The following SON variants were observed in gnomAD, a reference collection of about 807,000 sequenced individuals.
SON encodes SON DNA and RNA binding protein.
A neutral mutation model predicts 173.3 loss-of-function variants in SON; 4 were observed. That is an observed-to-expected ratio of 0.02 (90% CI 0.01 to 0.05). The LOEUF is 0.05. Ranked by LOEUF, SON falls within the 10% of genes least tolerant of loss-of-function variation. The pLI, the probability that SON is intolerant of heterozygous loss-of-function variation, is 1.00. For missense variants in SON, 2,626 were observed against 3,055.3 expected (o/e 0.86, Z 3.31); for synonymous variants, 1,190 against 1,105.9 (o/e 1.08, Z -1.51).
At position 33,546,250 on chromosome 21, in the gene SON, A is replaced by G. The variant is rs749860348; in HGVS notation, c.115A>G (p.Thr39Ala). The change falls in exon 2 of 12, where the codon ACA (threonine) becomes GCA (alanine). Residue 39 changes from threonine (T) to alanine (A), a missense_variant. Thr to Ala is a moderately conservative substitution (Grantham distance 58). Coordinates refer to ENST00000356577, the MANE Select transcript of SON (RefSeq NM_138927.4). ...AGGCCAGCTGAATGGTGAAACAAAT[A>G]CACCCATTGAAGGAAACCAGGCGGG... is the stretch of plus-strand genomic sequence containing the variant. ...NEGQLNGETN[T>A]PIEGNQAGDA... 1 of 1,613,544 alleles carries G rather than the reference A, an allele frequency of 6.2e-7. No homozygotes were observed. The highest frequency in any genetic ancestry group is 8.5e-7 in the Non-Finnish European group (1 of 1,179,782).
chr21:33,575,202 A>G (rs571306656), intron 9 of SON, among the ~76,000 whole-genome samples: 2 of 151,960 alleles, frequency 1.3e-5, no homozygotes, highest in African/African-American at 4.8e-5. Context: ...CGCCCGGCTA[A>G]TTTTTGTTTC....
chr21:33,569,657 C>T (rs1168272718), intron 8 of SON: 2 of 453,046 alleles, frequency 4.4e-6, no homozygotes, highest in Non-Finnish European at 9.1e-6. Context: ...TTTTGGTTGT[C>T]AGCTGCTGGT....
chr21:33,556,711 C>CA (rs375685900), intron 3 of SON, among the ~76,000 whole-genome samples: 1,299 of 102,548 alleles, frequency 0.013, 20 homozygotes, highest in African/African-American at 0.037. Context: ...GAGACTGTCT[C>CA]AAAAAAAAAA....
Position 33,549,779 on chromosome 21 carries a change from C to G in SON, c.548C>G (p.Pro183Arg), listed in dbSNP as rs746906157. Residue 183 changes from proline (P) to arginine (R), a missense_variant, in exon 3 of 12, where the codon CCT becomes CGT. Coordinates refer to ENST00000356577, the MANE Select transcript of SON (RefSeq NM_138927.4). Reference protein sequence around the residue: ...AFGPSETNESPAVVLEPPVVS... With the variant: ...AFGPSETNESRAVVLEPPVVS... ...GGCCCATCTGAGACCAATGAATCCCCTGCAGTTGTGCTAGAACCTCCTGTA... is the reference window on the plus strand; with the variant it reads ...GGCCCATCTGAGACCAATGAATCCCGTGCAGTTGTGCTAGAACCTCCTGTA... The G allele has an allele frequency of 2.5e-6, 4 of 1,614,200 alleles. No individual in the cohort carries two copies. In the Admixed American group the frequency reaches 6.7e-5, roughly 27 times the overall value.
chr21:33,543,428 T>G, intron 1 of SON: 1 of 513,040 alleles, frequency 1.9e-6, no homozygotes, highest in Non-Finnish European at 3.5e-6. Context: ...TTCACCCTTC[T>G]CCCCTGTTTG....
In SON at chr21:33,552,995, C is replaced by G; in HGVS notation, c.3764C>G (p.Pro1255Arg). Residue 1255 changes from proline to arginine, a missense_variant, in exon 3 of 12, where the codon CCA becomes CGA. Transcript: ENST00000356577. This position sits in a 1 kb window ranked among gnomAD's most constrained non-coding sequence, Gnocchi z 5.6. The stretch of plus-strand genomic sequence containing the variant: ...ACTGTTCCAGAACCACCACCAGAGC[C>G]AGAATCTTCAATTACGTTAACACCT... ...AVTVPEPPPEPESSITLTPVE... is the reference protein window; with the variant it reads ...AVTVPEPPPERESSITLTPVE... 6.2e-7 allele frequency: 1 copy of G among 1,614,160 alleles called. No homozygotes were observed. Among genetic ancestry groups the G allele is most frequent in the Non-Finnish European group, 8.5e-7 (1 of 1,180,018 alleles).
chr21:33,573,860 T>A (rs1310237248), intron 9 of SON, among the ~76,000 whole-genome samples: 2 of 14,108 alleles, frequency 1.4e-4, no homozygotes, highest in African/African-American at 6.0e-4. Flanking sequence ...CATTATTTCC[T>A]ATTACAATAC....
chr21:33,571,663 T>C (rs1272299117), intron 8 of SON: 1 of 152,662 alleles, frequency 6.6e-6, no homozygotes, highest in Non-Finnish European at 1.5e-5. Flanking sequence ...AAGAAACAGA[T>C]GATGATACTA....
chr21:33,550,052 C>T lies in SON; in HGVS notation c.821C>T (p.Ser274Phe). The T allele has an allele frequency of 1.2e-6, 2 of 1,614,142 alleles. No homozygotes were observed. Among genetic ancestry groups the T allele is most frequent in the Non-Finnish European group, 1.7e-6 (2 of 1,180,038 alleles). Residue 274 changes from serine to phenylalanine, a missense_variant, in exon 3 of 12, where the codon TCT (serine) becomes TTT (phenylalanine). This residue lies in a region of SON where 757 missense variants were observed against 730.1 expected (regional missense o/e 1.04). Transcript: ENST00000356577. ...ATGTCAGTGGAGTATCAGATGAAGT[C>T]TGTGCTGAAATCTGTGGAGAGCACA... ...VTMSVEYQMK[S>F]VLKSVESTSP...
Position 33,551,506 on chromosome 21 carries a change from A to G in SON, c.2275A>G (p.Ser759Gly), listed in dbSNP as rs778938099. The stretch of plus-strand genomic sequence containing the variant: ...CATGGACTCCCAGATGTTAGCGTCT[A>G]GCACCATGGACTCCCAGATGTTAGC... ...NTMDSQMLAS[S>G]TMDSQMLATS... Residue 759 changes from serine (S) to glycine (G), a missense_variant, in exon 3 of 12, where the codon AGC (serine) becomes GGC (glycine). Around this residue, in one of 13 missense-constraint regions of SON, gnomAD observed 182 missense variants for 193.6 expected, o/e 0.94. Coordinates refer to ENST00000356577, the MANE Select transcript of SON (RefSeq NM_138927.4). 5 of 1,614,094 alleles carry G rather than the reference A, an allele frequency of 3.1e-6. No individual in the cohort carries two copies. The highest frequency in any genetic ancestry group is 1.1e-5 in the South Asian group (1 of 91,088).
chr21:33,549,840 A>G lies in SON; in HGVS notation c.609A>G (p.Glu203=). The G allele has an allele frequency of 1.2e-6, 2 of 1,614,252 alleles. No homozygotes were observed. Among genetic ancestry groups the G allele is most frequent in the Non-Finnish European group, 1.7e-6 (2 of 1,180,042 alleles). Residue 203 remains glutamate (E), a synonymous_variant, in exon 3 of 12, where the codon GAA becomes GAG. Coordinates refer to ENST00000356577, the MANE Select transcript of SON (RefSeq NM_138927.4). ...AGGTATCAGAGCCACACATCTTAGA[A>G]ACTCTGAAGCCAGCTACAAAAACTG... ...SMEVSEPHIL[E]TLKPATKTAE...
intron 1 of SON, 43 bp downstream of exon 1, chr21:33,543,212 GC>G: frequency 6.6e-7 from 1 of 1,522,082 alleles, no homozygotes; most frequent in Non-Finnish European, 9.1e-7. Flanking sequence ...GGACCGTTAG[GC>G]CCTCACCTAG....
chr21:33,545,271 A>G (rs1046487416), intron 1 of SON, among the ~76,000 whole-genome samples: 1 of 152,178 alleles, frequency 6.6e-6, no homozygotes, highest in Non-Finnish European at 1.5e-5. Flanking sequence ...AATAAATGAT[A>G]ATTATTATAA....
chr21:33,557,081 A>T, intron 3 of SON, 75 bp from the exon 4 acceptor site: 2 of 1,340,338 alleles, frequency 1.5e-6, no homozygotes, highest in Non-Finnish European at 1.0e-6. Flanking sequence ...TAGTTTTGTT[A>T]GTATGTTAGA....
rs2085923744 is a variant in SON at position 33,554,836 on chromosome 21, C to T, written c.5605C>T (p.Arg1869Cys). The change falls in exon 3 of 12, where the codon CGC (arginine) becomes TGC (cysteine). Residue 1869 changes from arginine to cysteine, a missense_variant. Around this residue, in one of 13 missense-constraint regions of SON, gnomAD observed 1,006 missense variants for 895.6 expected, o/e 1.12. Coordinates refer to ENST00000356577, the MANE Select transcript of SON (RefSeq NM_138927.4). ...SQTRSRSRSR[R>C]RRRSSRSRSK... Reference sequence around the variant, plus strand: ...GACACGTTCACGGTCACGTTCAAGACGCAGGAGGAGAAGCAGCAGATCAAG... The same window carrying T: ...GACACGTTCACGGTCACGTTCAAGATGCAGGAGGAGAAGCAGCAGATCAAG... 8.7e-6 allele frequency: 14 copies of T among 1,613,672 alleles called. No individual in the cohort carries two copies. Among genetic ancestry groups the T allele is most frequent in the East Asian group, 2.2e-5 (1 of 44,888 alleles).
intron 9 of SON, 158 bp from the exon 10 acceptor site, chr21:33,575,436 TAA>T (rs2086378272): frequency 2.0e-6 from 1 of 504,238 alleles, no homozygotes. Flanking sequence ...TGAAAAACAG[TAA>T]AAGAGAAGAA....
intron 8 of SON, chr21:33,569,475 A>C: frequency 2.9e-6 from 1 of 349,566 alleles, no homozygotes; most frequent in Non-Finnish European, 5.8e-6. Context: ...ATACTTTATT[A>C]CAGGTTTATT....
In SON at chr21:33,576,997, T is replaced by C. The variant is rs1011715704; in HGVS notation, c.*573T>C. The C allele has an allele frequency of 2.8e-5, 5 of 176,096 alleles. No homozygotes were observed. The highest frequency in any genetic ancestry group is 7.1e-5 in the African/African-American group (3 of 42,494). The allele number at this position is 176,096 out of a possible 1,614,324, so 10.9% of individuals were successfully genotyped here. A position where few individuals can be genotyped will look rare whatever the true frequency, so the allele number is the denominator to read the frequency against. On this transcript the variant is annotated 3_prime_UTR_variant, in exon 12 of 12. Coordinates refer to ENST00000356577, the MANE Select transcript of SON (RefSeq NM_138927.4). Reference sequence around the variant, plus strand: ...TTCTGCTGGACAGATAATGGGCCAGTGTTATTGAGGTGATCAAGATCTGTT... The same window carrying C: ...TTCTGCTGGACAGATAATGGGCCAGCGTTATTGAGGTGATCAAGATCTGTT...
At position 33,555,074 on chromosome 21, in the gene SON, G is replaced by C. The variant is rs1220438751; in HGVS notation, c.5843G>C (p.Ser1948Thr). The change falls in exon 3 of 12, where the codon AGC (serine) becomes ACC (threonine). Residue 1948 changes from serine to threonine, a missense_variant. Physicochemically the swap from Ser to Thr is moderately conservative, Grantham distance 58. Transcript: ENST00000356577. ...TCTAGATCTGTGGGTAGAAGAAGGA[G>C]CTTTAGCATTTCCCCAAGCCGCCGC... Reference protein sequence around the residue: ...RRSRSVGRRRSFSISPSRRSR... With the variant: ...RRSRSVGRRRTFSISPSRRSR... 1 of 1,606,552 alleles carries C rather than the reference G, an allele frequency of 6.2e-7. No homozygotes were observed. Among genetic ancestry groups the C allele is most frequent in the Admixed American group, 1.7e-5 (1 of 59,398 alleles).
Sources: gnomAD v4.1 joint callset for allele counts (sites outside exome capture counted in the v4.1 genomes callset) on GRCh38, gnomAD v4.1.1 for gene constraint, gnomAD v4.1.1 regional missense constraint, Gnocchi (gnomAD v3.1) non-coding constraint, MANE v1.5 for transcripts, NCBI Gene and HGNC (gene_info 2026-07-23, HGNC 2026-07-21) for gene names.